Variants in TESC observed in about 807,000 individuals in gnomAD.
The protein encoded by TESC is tescalcin, also known as calcineurin B homologous protein 3.
Under a neutral mutation model 31.0 loss-of-function variants are expected in TESC, and 19 were observed. That is an observed-to-expected ratio of 0.61 (90% CI 0.43 to 0.90). TESC has a LOEUF of 0.90. TESC is among the 40% of genes least tolerant of loss of function. TESC has a pLI of 0.00. For synonymous variants in TESC, 109 were observed against 114.8 expected, an observed-to-expected ratio of 0.95 and a Z score of 0.32; for missense variants, 248 against 303.8, an observed-to-expected ratio of 0.82 and a Z score of 1.36.
At chr12:117,054,925 C>A (rs1954699655) in intron 3 of TESC, among the ~76,000 whole-genome samples, 1 of 152,128 alleles carries the variant, frequency 6.6e-6, no homozygotes, top group African/African-American at 2.4e-5. Flanking sequence ...GAGGGTATAC[C>A]CACCCCTTCA....
Position 117,070,935 on chromosome 12 carries a change from C to T in TESC, c.128+4336G>A, listed in dbSNP as rs554403147. ...GCAGTGAGCCAAGATCGCACCACTG[C>T]ACATCAGCCTGAGCAACACAGCGAG... On this transcript the variant is annotated intron_variant, in intron 2 of 7. Coordinates refer to ENST00000335209, the MANE Select transcript of TESC (RefSeq NM_017899.4). Among the ~76,000 whole-genome samples the T allele has an allele frequency of 2.0e-5, 3 of 151,900 alleles. No individual in the cohort carries two copies. The South Asian group carries it at 6.3e-4, about 32-fold the overall frequency.
At chr12:117,097,022 C>T (rs540974174) in intron 1 of TESC, among the ~76,000 whole-genome samples, 106 of 152,354 alleles carry the variant, frequency 7.0e-4, no homozygotes, top group Admixed American at 3.1e-3. Context: ...CAGTTTAACA[C>T]CTGTCGGGCG....
intron 4 of TESC, chr12:117,048,583 G>C: frequency 2.5e-6 from 1 of 405,498 alleles, no homozygotes; most frequent in Admixed American, 2.6e-5. Context: ...CCATGGAGGA[G>C]GGAGAGGAGG....
At chr12:117,071,521 T>C (rs536006231) in intron 2 of TESC, among the ~76,000 whole-genome samples, 1 of 152,300 alleles carries the variant, frequency 6.6e-6, no homozygotes, top group East Asian at 1.9e-4. Flanking sequence ...TCTACACACC[T>C]GTGTGAGTCC....
chr12:117,052,311 G>C (rs866013967), intron 3 of TESC, among the ~76,000 whole-genome samples: 4 of 152,118 alleles, frequency 2.6e-5, no homozygotes, highest in South Asian at 4.1e-4. Context: ...AGGAACAAAG[G>C]CTGAGGCTGG....
At chr12:117,066,049 T>TC (rs1954874195) in intron 2 of TESC, among the ~76,000 whole-genome samples, 1 of 151,870 alleles carries the variant, frequency 6.6e-6, no homozygotes, top group African/African-American at 2.4e-5. Context: ...AGAGCTCCCC[T>TC]CCCTCTTCTC....
chr12:117,046,044 C>T (rs1477468136), intron 6 of TESC, among the ~76,000 whole-genome samples: 4 of 152,178 alleles, frequency 2.6e-5, no homozygotes, highest in Non-Finnish European at 4.4e-5. Context: ...ATGGAAAGGC[C>T]ACTTCCCTCT....
At chr12:117,070,126 T>G (rs995584882) in intron 2 of TESC, among the ~76,000 whole-genome samples, 14 of 152,280 alleles carry the variant, frequency 9.2e-5, no homozygotes, top group African/African-American at 3.4e-4. Flanking sequence ...GCCCAGGGCC[T>G]GTTGGACAGC....
intron 2 of TESC, among the ~76,000 whole-genome samples, chr12:117,073,241 G>T (rs1954999322): frequency 1.3e-5 from 2 of 152,176 alleles, no homozygotes; most frequent in Non-Finnish European, 2.9e-5. Flanking sequence ...GAAAACATTT[G>T]CATGTCTGGT....
chr12:117,041,052 C>G (rs1300958276), intron 7 of TESC, among the ~76,000 whole-genome samples: 2 of 150,588 alleles, frequency 1.3e-5, no homozygotes, highest in Admixed American at 1.3e-4. Context: ...GGGATGGGGA[C>G]AGGGGTCCTC....
intron 1 of TESC, among the ~76,000 whole-genome samples, chr12:117,096,649 A>G (rs986254842): frequency 6.6e-6 from 1 of 152,190 alleles, no homozygotes; most frequent in Admixed American, 6.5e-5. Context: ...ATCCTTCCCA[A>G]CAACTTCAAG....
chr12:117,090,705 T>A (rs1206350174), intron 1 of TESC, among the ~76,000 whole-genome samples: 1 of 152,146 alleles, frequency 6.6e-6, no homozygotes, highest in Non-Finnish European at 1.5e-5. Flanking sequence ...TGTGCCATAG[T>A]GGGACTCTGG....
chr12:117,094,583 G>A (rs1955365599), intron 1 of TESC, among the ~76,000 whole-genome samples: 1 of 152,176 alleles, frequency 6.6e-6, no homozygotes, highest in Admixed American at 6.5e-5. Context: ...ATAACATGGT[G>A]TGATGCCTGC....
chr12:117,056,746 C>G (rs1189304838), intron 3 of TESC, 60 bp downstream of exon 3: 3 of 1,549,554 alleles, frequency 1.9e-6, no homozygotes, highest in African/African-American at 1.4e-5. Context: ...ACAAGTATCC[C>G]GAGATGTTAC....
In TESC at chr12:117,039,180, T is replaced by C; in HGVS notation, c.598A>G (p.Met200Val). The change falls in exon 8 of 8, where the codon ATG becomes GTG. Residue 200 changes from methionine to valine, a missense_variant. Met to Val is a conservative substitution (Grantham distance 21). Coordinates refer to ENST00000335209, the MANE Select transcript of TESC (RefSeq NM_017899.4). ...IWQGIDIETK[M>V]HVRFLNMETM... ...TCCATGTTAAGGAAGCGGACGTGCA[T>C]CTTGGTCTCAATGTCGATCCCCTGC... is the stretch of plus-strand genomic sequence containing the variant. 1 of 1,614,086 alleles carries C rather than the reference T, an allele frequency of 6.2e-7. No individual in the cohort carries two copies. Among genetic ancestry groups the C allele is most frequent in the Non-Finnish European group, 8.5e-7 (1 of 1,180,000 alleles).
In TESC at chr12:117,039,037, G is replaced by A; in HGVS notation, c.*96C>T. ...CGAGCCTTGGCTATGTACCGGCGCT[G>A]CAGGAAGAGGCTGTCCGCCGGGCCT... On this transcript the variant is annotated 3_prime_UTR_variant, in exon 8 of 8. Coordinates refer to ENST00000335209, the MANE Select transcript of TESC (RefSeq NM_017899.4). 3 of 1,383,490 alleles carry A rather than the reference G, an allele frequency of 2.2e-6. No homozygotes were observed. The highest frequency in any genetic ancestry group is 3.0e-6 in the Non-Finnish European group (3 of 993,530). 85.7% of individuals were successfully genotyped at this position (1,383,490 alleles called of 1,614,324 possible).
chr12:117,087,946 G>A (rs1444049815), intron 1 of TESC, among the ~76,000 whole-genome samples: 1 of 152,162 alleles, frequency 6.6e-6, no homozygotes, highest in Non-Finnish European at 1.5e-5. Flanking sequence ...TCGCTTTTAG[G>A]GTGCCTCCCT....
chr12:117,057,009 CAG>C (rs1954736048), intron 2 of TESC, 123 bp from the exon 3 acceptor site: 3 of 899,622 alleles, frequency 3.3e-6, no homozygotes, highest in Admixed American at 4.0e-5. Context: ...AAGAATAGTT[CAG>C]AGTTAGGAGA....
chr12:117,068,241 G>A (rs1954914259), intron 2 of TESC, among the ~76,000 whole-genome samples: 1 of 152,004 alleles, frequency 6.6e-6, no homozygotes, highest in African/African-American at 2.4e-5. Context: ...TAAGAACACT[G>A]CTGAGGGCCT....
Sources: allele counts gnomAD v4.1 joint callset (sites outside exome capture counted in the v4.1 genomes callset), GRCh38; gene constraint gnomAD v4.1.1; transcripts MANE v1.5; gene names NCBI Gene and HGNC (gene_info 2026-07-23, HGNC 2026-07-21).